Variants in LRRC2 observed in about 807,000 individuals in gnomAD.
The protein encoded by LRRC2 is leucine rich repeat containing 2.
LRRC2 carries 27 observed loss-of-function variants against 40.2 expected under a neutral mutation model. The ratio of observed to expected loss-of-function variants is 0.67; its 90% CI spans 0.49 to 0.93. The LOEUF is 0.93. LRRC2 is among the 40% of genes least tolerant of loss of function. LRRC2 has a pLI of 0.00. For missense variants in LRRC2, 402 were observed against 439.6 expected (o/e 0.91, Z 0.76); for synonymous variants, 147 against 158.9 (o/e 0.92, Z 0.56).
intron 7 of LRRC2, among the ~76,000 whole-genome samples, chr3:46,522,147 G>T (rs570046439): frequency 6.6e-6 from 1 of 151,980 alleles, no homozygotes; most frequent in South Asian, 2.1e-4. Context: ...GGCTGAGGCG[G>T]GTGGATCACC....
At chr3:46,541,332 C>CAAAAA (rs571449281) in intron 3 of LRRC2, among the ~76,000 whole-genome samples, 5 of 63,124 alleles carry the variant, frequency 7.9e-5, no homozygotes, top group East Asian at 4.6e-4. Flanking sequence ...GACTCCGTCT[C>CAAAAA]AAAAAAAAAA....
chr3:46,529,830 A>G, intron 6 of LRRC2, 75 bp downstream of exon 6: 1 of 1,462,100 alleles, frequency 6.8e-7, no homozygotes, highest in Non-Finnish European at 9.5e-7. Context: ...TGTACTATAC[A>G]TGTTTCAAAT....
At chr3:46,546,321 C>T (rs1176017890) in intron 2 of LRRC2, among the ~76,000 whole-genome samples, 3 of 152,206 alleles carry the variant, frequency 2.0e-5, no homozygotes, top group African/African-American at 7.2e-5. Context: ...TAGGGTGGCA[C>T]TGTGGGGCAC....
intron 1 of LRRC2, among the ~76,000 whole-genome samples, chr3:46,554,052 C>T (rs1174408993): frequency 6.6e-6 from 1 of 151,850 alleles, no homozygotes; most frequent in Non-Finnish European, 1.5e-5. Context: ...CAGGGTCTCA[C>T]TCTGTTGCCC....
chr3:46,526,752 A>G (rs544229247), intron 7 of LRRC2, among the ~76,000 whole-genome samples: 12 of 152,368 alleles, frequency 7.9e-5, no homozygotes, highest in African/African-American at 2.6e-4. Flanking sequence ...CCTGGTGCTC[A>G]AGGCCAATAG....
chr3:46,551,238 T>C lies in LRRC2; in HGVS notation c.125+229A>G, dbSNP rs190331804. Reference sequence around the variant, plus strand: ...TATCGTGTCATCTCGGTCTTCCTCGTGCCTACCACAAGGGTGGTGGGTAGG... The same window carrying C: ...TATCGTGTCATCTCGGTCTTCCTCGCGCCTACCACAAGGGTGGTGGGTAGG... On this transcript the variant is annotated intron_variant, in intron 2 of 8. Coordinates refer to ENST00000395905, the MANE Select transcript of LRRC2 (RefSeq NM_024512.5). 1,209 of 366,070 alleles carry C rather than the reference T, an allele frequency of 3.3e-3. 3 individuals carry two copies. The highest frequency in any genetic ancestry group is 3.9e-3 in the Non-Finnish European group (811 of 206,370). 22.7% of individuals were successfully genotyped at this position (366,070 alleles called of 1,614,324 possible).
At chr3:46,533,309 G>A (rs1167989167) in intron 4 of LRRC2, among the ~76,000 whole-genome samples, 5 of 152,244 alleles carry the variant, frequency 3.3e-5, no homozygotes, top group Admixed American at 1.3e-4. Context: ...TCCAGTAAGG[G>A]GAAGATAATT....
chr3:46,545,375 C>A, intron 2 of LRRC2, 122 bp from the exon 3 acceptor site: 1 of 764,210 alleles, frequency 1.3e-6, no homozygotes. Context: ...TACGTAAGCA[C>A]TCCCTTCCTC....
At position 46,532,777 on chromosome 3, in the gene LRRC2, A is replaced by G. The variant is rs770252373; in HGVS notation, c.623T>C (p.Phe208Ser). The G allele has an allele frequency of 1.9e-6, 3 of 1,612,894 alleles. No homozygotes were observed. ...ACAGAAATGTTTATCTCTTACTTCA[A>G]AGGGCAGCTCCATTAATTCTAGATT... is the stretch of plus-strand genomic sequence containing the variant. Reference protein sequence around the residue: ...SGNLELMELPFELSNLKQVTF... With the variant: ...SGNLELMELPSELSNLKQVTF... The change falls in exon 5 of 9, where the codon TTT becomes TCT. Residue 208 changes from phenylalanine to serine, a missense_variant. Phe to Ser is a radical substitution (Grantham distance 155). Coordinates refer to ENST00000395905, the MANE Select transcript of LRRC2 (RefSeq NM_024512.5).
At chr3:46,554,605 G>A (rs1248670313) in intron 1 of LRRC2, among the ~76,000 whole-genome samples, 1 of 148,184 alleles carries the variant, frequency 6.7e-6, no homozygotes, top group African/African-American at 2.5e-5. Flanking sequence ...TCGTACCAGC[G>A]CACTCCAGTC....
At chr3:46,539,675 G>A (rs982248995) in intron 3 of LRRC2, among the ~76,000 whole-genome samples, 3 of 152,174 alleles carry the variant, frequency 2.0e-5, no homozygotes, top group African/African-American at 7.2e-5. Context: ...AAAAGCATGA[G>A]AAAGACAGTC....
chr3:46,561,660 C>T (rs375784944), intron 1 of LRRC2, among the ~76,000 whole-genome samples: 16 of 152,246 alleles, frequency 1.1e-4, no homozygotes, highest in African/African-American at 3.1e-4. Flanking sequence ...TCTCTCCTCC[C>T]GTCATCACAA....
intron 7 of LRRC2, among the ~76,000 whole-genome samples, chr3:46,525,409 C>T (rs547936559): frequency 6.6e-6 from 1 of 152,174 alleles, no homozygotes; most frequent in Admixed American, 6.5e-5. Flanking sequence ...TATCACCATG[C>T]CTGGCTAATT....
chr3:46,540,522 CTCAAAAAAAAAA>C (rs1359002061), intron 3 of LRRC2, among the ~76,000 whole-genome samples: 42 of 138,812 alleles, frequency 3.0e-4, no homozygotes, highest in African/African-American at 1.2e-3. Context: ...GAGACTCCAT[CTCAAAAAAAAAA>C]AAAAAAATTG....
rs529887883 is a variant in LRRC2 at position 46,527,111 on chromosome 3, TCTG to T, written c.929+312_929+314del. ...GCAACCAGGGAGGGTCCTTTCAACA[TCTG>T]CTGACCCCTCCAGGCCAGCAGCGAT... On this transcript the variant is annotated intron_variant, in intron 7 of 8. Transcript: ENST00000395905. Among the ~76,000 whole-genome samples the T allele has an allele frequency of 2.4e-4, 36 of 152,256 alleles. No homozygotes were observed. In the East Asian group the frequency reaches 6.9e-3, roughly 29 times the overall value.
rs1348634125 is a variant in LRRC2 at position 46,539,412 on chromosome 3, T to G, written c.334-211A>C. On this transcript the variant is annotated intron_variant, in intron 3 of 8. Coordinates refer to ENST00000395905, the MANE Select transcript of LRRC2 (RefSeq NM_024512.5). ...CAGTATATTAGCCCTATTTCAAAAC[T>G]GCCGTGAATTCATGATGTTATTAAA... Among the ~76,000 whole-genome samples the G allele has an allele frequency of 2.0e-5, 3 of 152,206 alleles. No individual in the cohort carries two copies. The South Asian group carries it at 6.2e-4, about 31-fold the overall frequency.
rs140748751 is a variant in LRRC2, at chr3:46,562,725, T to G, written c.-20+3452A>C. Among the ~76,000 whole-genome samples, 5 of 146,266 alleles carry G rather than the reference T, an allele frequency of 3.4e-5. No homozygotes were observed. In the East Asian group the frequency reaches 8.1e-4, roughly 24 times the overall value. ...CATCATAATCTAGAAGATCTAGAAG[T>G]TACTTCTTTTTTTTTTTTTTTGAGA... is the stretch of plus-strand genomic sequence containing the variant. On this transcript the variant is annotated intron_variant, in intron 1 of 8. Coordinates refer to ENST00000395905, the MANE Select transcript of LRRC2 (RefSeq NM_024512.5).
intron 1 of LRRC2, among the ~76,000 whole-genome samples, chr3:46,553,919 G>C (rs1704724485): frequency 1.3e-5 from 2 of 152,220 alleles, no homozygotes; most frequent in Admixed American, 1.3e-4. Flanking sequence ...AGCTGACAAT[G>C]CTGACCTAAT....
intron 1 of LRRC2, among the ~76,000 whole-genome samples, chr3:46,552,592 T>C (rs1704684907): frequency 6.6e-6 from 1 of 152,164 alleles, no homozygotes. Flanking sequence ...CCTGCCTTCT[T>C]TCCTCAGTCC....
Sources: gnomAD v4.1 joint callset for allele counts (sites outside exome capture counted in the v4.1 genomes callset) on GRCh38, gnomAD v4.1.1 for gene constraint, MANE v1.5 for transcripts, NCBI Gene and HGNC (gene_info 2026-07-23, HGNC 2026-07-21) for gene names.